Variants in CBLB observed in about 807,000 individuals in gnomAD.
CBLB encodes Cbl proto-oncogene B, also known as E3 ubiquitin-protein ligase CBL-B.
In CBLB, 31 loss-of-function variants were observed where a neutral mutation model predicts 104.9. The ratio of observed to expected loss-of-function variants is 0.30; its 90% CI spans 0.22 to 0.40. CBLB has a LOEUF of 0.40. CBLB is among the 10% of genes least tolerant of loss of function. The probability of loss-of-function intolerance (pLI) is 1.00; values close to 1 mark genes in which losing one functional copy is unlikely to be tolerated. For missense variants in CBLB, 1,062 were observed against 1,214.6 expected (o/e 0.87, Z 1.87); for synonymous variants, 440 against 422.6 (o/e 1.04, Z -0.51).
intron 3 of CBLB, among the ~76,000 whole-genome samples, chr3:105,782,252 C>T (rs1366716398): frequency 2.0e-5 from 3 of 152,126 alleles, no homozygotes; most frequent in African/African-American, 7.2e-5. Context: ...ATTAAAAGTT[C>T]AAATACCAAT....
At chr3:105,741,723 G>C (rs1015155987) in intron 6 of CBLB, among the ~76,000 whole-genome samples, 1 of 151,202 alleles carries the variant, frequency 6.6e-6, no homozygotes, top group Non-Finnish European at 1.5e-5. Flanking sequence ...TAGAGACCAC[G>C]TTAGCCAGGA....
chr3:105,720,913 G>T (rs758790950), intron 9 of CBLB, among the ~76,000 whole-genome samples: 3 of 152,162 alleles, frequency 2.0e-5, no homozygotes, highest in Non-Finnish European at 4.4e-5. Flanking sequence ...GATACAAAAA[G>T]ATTTGTGCAA....
At chr3:105,857,744 T>C (rs1050733821) in intron 2 of CBLB, among the ~76,000 whole-genome samples, 2 of 152,234 alleles carry the variant, frequency 1.3e-5, no homozygotes, top group African/African-American at 2.4e-5. Flanking sequence ...AACATTTATG[T>C]GGCAGGCATT....
chr3:105,745,776 A>T (rs1157767343), intron 6 of CBLB, 141 bp downstream of exon 6: 24 of 715,064 alleles, frequency 3.4e-5, no homozygotes, highest in Non-Finnish European at 5.0e-6. Context: ...TATGTTAAGA[A>T]GCACCATTTT....
At chr3:105,779,987 G>A (rs2079982034) in intron 3 of CBLB, among the ~76,000 whole-genome samples, 1 of 151,668 alleles carries the variant, frequency 6.6e-6, no homozygotes, top group Non-Finnish European at 1.5e-5. Context: ...CCAAGTAGCT[G>A]GGATTACAGG....
chr3:105,793,459 C>T (rs529852437), intron 3 of CBLB, among the ~76,000 whole-genome samples: 53 of 132,260 alleles, frequency 4.0e-4, no homozygotes, highest in Admixed American at 1.7e-3. Flanking sequence ...TTTCCAGATG[C>T]TTTAAGAGAT....
intron 2 of CBLB, among the ~76,000 whole-genome samples, chr3:105,860,634 T>C (rs1468287401): frequency 6.6e-6 from 1 of 152,176 alleles, no homozygotes; most frequent in Non-Finnish European, 1.5e-5. Flanking sequence ...GTTAGCCCTA[T>C]CTCCTTCTTA....
chr3:105,802,499 T>A (rs1425799149), intron 3 of CBLB, among the ~76,000 whole-genome samples: 3 of 152,202 alleles, frequency 2.0e-5, no homozygotes, highest in Non-Finnish European at 4.4e-5. Context: ...AAGATCAGAC[T>A]GGAAGTCCCA....
intron 3 of CBLB, among the ~76,000 whole-genome samples, chr3:105,828,079 C>T (rs1309305546): frequency 6.6e-6 from 1 of 152,198 alleles, no homozygotes; most frequent in Non-Finnish European, 1.5e-5. Context: ...GCTCCTTCTC[C>T]CATCCCTGTT....
intron 10 of CBLB, among the ~76,000 whole-genome samples, chr3:105,707,229 T>C (rs938556139): frequency 1.3e-5 from 2 of 152,198 alleles, no homozygotes; most frequent in East Asian, 3.8e-4. Context: ...GTGAATGTAA[T>C]TGGAAGCATA....
intron 1 of CBLB, 70 bp from the exon 2 acceptor site, chr3:105,867,661 A>C: frequency 7.3e-7 from 1 of 1,363,444 alleles, no homozygotes; most frequent in South Asian, 1.2e-5. Context: ...AGAAAACTAG[A>C]GACTAACTTG....
At chr3:105,731,520 T>G (rs2074311893) in intron 9 of CBLB, among the ~76,000 whole-genome samples, 1 of 152,206 alleles carries the variant, frequency 6.6e-6, no homozygotes, top group Non-Finnish European at 1.5e-5. Context: ...AACTTTCTTT[T>G]AAGAAGTATA....
At chr3:105,744,283 C>G (rs2152890856) in intron 6 of CBLB, among the ~76,000 whole-genome samples, 1 of 152,202 alleles carries the variant, frequency 6.6e-6, no homozygotes, top group Middle Eastern at 3.4e-3. Context: ...CTGCATAATT[C>G]CAACCACAAC....
intron 10 of CBLB, among the ~76,000 whole-genome samples, chr3:105,708,230 G>GA (rs1468390001): frequency 6.6e-6 from 1 of 152,036 alleles, no homozygotes; most frequent in Admixed American, 6.6e-5. Flanking sequence ...AGCTGTTGGG[G>GA]TAAAACAATA....
chr3:105,868,670 G>A, intron 1 of CBLB, 66 bp downstream of exon 1: 1 of 979,940 alleles, frequency 1.0e-6, no homozygotes, highest in Non-Finnish European at 1.2e-6. Context: ...GCCCGCGCCT[G>A]GCTACCCCGG....
intron 4 of CBLB, among the ~76,000 whole-genome samples, chr3:105,763,562 C>T (rs1197408503): frequency 6.6e-6 from 1 of 152,222 alleles, no homozygotes; most frequent in Non-Finnish European, 1.5e-5. Context: ...TTTCGCCTTC[C>T]ACCACGATTG....
chr3:105,775,304 T>C (rs2079325299), intron 4 of CBLB, among the ~76,000 whole-genome samples: 1 of 152,146 alleles, frequency 6.6e-6, no homozygotes, highest in Admixed American at 6.5e-5. Context: ...TACATTACTC[T>C]ATGTAGGTAT....
chr3:105,843,409 A>G (rs1702619199), intron 3 of CBLB, among the ~76,000 whole-genome samples: 1 of 152,192 alleles, frequency 6.6e-6, no homozygotes, highest in South Asian at 2.1e-4. Context: ...AAAAGTTTAT[A>G]AACAGATTTA....
intron 3 of CBLB, among the ~76,000 whole-genome samples, chr3:105,850,149 T>A (rs915189781): frequency 3.3e-5 from 5 of 152,102 alleles, no homozygotes; most frequent in Non-Finnish European, 1.5e-5. Context: ...CAAAGTTACA[T>A]AATTGGTTAG....
Sources: allele counts gnomAD v4.1 joint callset (sites outside exome capture counted in the v4.1 genomes callset), GRCh38; gene constraint gnomAD v4.1.1; transcripts MANE v1.5; gene names NCBI Gene and HGNC (gene_info 2026-07-23, HGNC 2026-07-21).